The following THSD7B variants were observed in gnomAD, a reference collection of about 807,000 sequenced individuals.
The protein encoded by THSD7B is thrombospondin type-1 domain-containing protein 7B.
A neutral mutation model predicts 213.6 loss-of-function variants in THSD7B; 138 were observed. The ratio of observed to expected loss-of-function variants is 0.65; its 90% confidence interval spans 0.56 to 0.74. THSD7B has a LOEUF of 0.74. Among genes scored for constraint, THSD7B ranks in the 30% least tolerant of loss-of-function variants. THSD7B has a pLI of 0.00. For synonymous variants in THSD7B, 742 were observed against 687.0 expected (o/e 1.08, Z -1.25); for missense variants, 1,931 against 1,991.5 (o/e 0.97, Z 0.58).
intron 1 of THSD7B, among the ~76,000 whole-genome samples, chr2:136,807,121 GCA>G (rs1682296298): frequency 6.6e-6 from 1 of 152,206 alleles, no homozygotes; most frequent in South Asian, 2.1e-4. Flanking sequence ...CTTCTTCATT[GCA>G]CAGTTACTTT....
chr2:137,206,890 A>G (rs1228373687), intron 7 of THSD7B, among the ~76,000 whole-genome samples: 1 of 152,074 alleles, frequency 6.6e-6, no homozygotes, highest in African/African-American at 2.4e-5. Context: ...TGAAAGAAAT[A>G]AAAGCAATTA....
intron 2 of THSD7B, among the ~76,000 whole-genome samples, chr2:136,903,536 G>T (rs1164024387): frequency 6.6e-6 from 1 of 152,070 alleles, no homozygotes; most frequent in African/African-American, 2.4e-5. Flanking sequence ...AGGTGATGCT[G>T]CCACAGAGCA....
At chr2:136,881,746 C>A (rs112197844) in intron 1 of THSD7B, among the ~76,000 whole-genome samples, 1 of 152,048 alleles carries the variant, frequency 6.6e-6, no homozygotes, top group African/African-American at 2.4e-5. Context: ...GAGTTAACCA[C>A]CTCAGGCTTT....
At chr2:137,505,337 T>A (rs1679809822) in intron 15 of THSD7B, among the ~76,000 whole-genome samples, 1 of 152,340 alleles carries the variant, frequency 6.6e-6, no homozygotes, top group South Asian at 2.1e-4. Flanking sequence ...GGGAGGGACA[T>A]GAGCTTCTGT....
intron 1 of THSD7B, among the ~76,000 whole-genome samples, chr2:136,864,241 C>G (rs550892718): frequency 6.6e-6 from 1 of 152,238 alleles, no homozygotes; most frequent in Admixed American, 6.5e-5. Flanking sequence ...AATATATGCT[C>G]CAAATTGTGC....
intron 1 of THSD7B, among the ~76,000 whole-genome samples, chr2:136,805,073 C>A (rs2059733): frequency 6.6e-6 from 1 of 151,472 alleles, no homozygotes; most frequent in Non-Finnish European, 1.5e-5. Flanking sequence ...GGCATAGCTG[C>A]TCTTTCTTTC....
chr2:137,279,793 C>T (rs1465102293), intron 12 of THSD7B, among the ~76,000 whole-genome samples: 1 of 152,098 alleles, frequency 6.6e-6, no homozygotes, highest in Non-Finnish European at 1.5e-5. Flanking sequence ...CCCAAAAATA[C>T]ATGTCCACAT....
intron 3 of THSD7B, among the ~76,000 whole-genome samples, chr2:137,087,930 C>A (rs1206324039): frequency 6.6e-6 from 1 of 152,002 alleles, no homozygotes; most frequent in African/African-American, 2.4e-5. Flanking sequence ...ACCAAAACAG[C>A]ATGGTACTGG....
chr2:136,902,432 C>G (rs894745344), intron 2 of THSD7B, among the ~76,000 whole-genome samples: 2 of 152,140 alleles, frequency 1.3e-5, no homozygotes, highest in Non-Finnish European at 1.5e-5. Context: ...CTCAGCAAAC[C>G]TGGCCTCTTC....
intron 1 of THSD7B, among the ~76,000 whole-genome samples, chr2:136,773,407 G>A (rs1029662195): frequency 2.0e-5 from 3 of 152,062 alleles, no homozygotes; most frequent in Admixed American, 2.0e-4. Context: ...TTGAACAAGA[G>A]CCACAAATAC....
intron 10 of THSD7B, among the ~76,000 whole-genome samples, chr2:137,257,257 A>C (rs1396435686): frequency 2.0e-5 from 3 of 152,186 alleles, no homozygotes; most frequent in African/African-American, 7.2e-5. Flanking sequence ...GTTTAATAGC[A>C]TGTCTTCATG....
intron 16 of THSD7B, among the ~76,000 whole-genome samples, chr2:137,568,891 T>C (rs1019083515): frequency 6.6e-6 from 1 of 152,180 alleles, no homozygotes; most frequent in African/African-American, 2.4e-5. Flanking sequence ...GCTGGGGTTA[T>C]AGAGAGAATG....
At chr2:137,046,778 G>A (rs368477275) in intron 2 of THSD7B, among the ~76,000 whole-genome samples, 303 of 149,534 alleles carry the variant, frequency 2.0e-3, no homozygotes, top group African/African-American at 7.3e-3. Flanking sequence ...CCATATGGCC[G>A]CCCAGGTATT....
At position 137,433,844 on chromosome 2, in the gene THSD7B, T is replaced by C. The variant is rs538793000; in HGVS notation, c.2960-17001T>C. On this transcript the variant is annotated intron_variant, in intron 14 of 27. Transcript: ENST00000409968. Reference sequence around the variant, plus strand: ...GAAGTCTGTTTTTTAAGAACTGCTATAAAGTTTTGTAACCCCCAATCTGAG... The same window carrying C: ...GAAGTCTGTTTTTTAAGAACTGCTACAAAGTTTTGTAACCCCCAATCTGAG... 1.8e-3 allele frequency among the ~76,000 whole-genome samples: 274 copies of C among 152,228 alleles called. 3 individuals are homozygous for C. The highest frequency in any genetic ancestry group is 3.3e-3 in the Non-Finnish European group (222 of 68,024).
chr2:137,449,175 G>A (rs946875905), intron 14 of THSD7B, among the ~76,000 whole-genome samples: 2 of 152,092 alleles, frequency 1.3e-5, no homozygotes, highest in African/African-American at 4.8e-5. Flanking sequence ...AGAGAATATG[G>A]CATTATTCTG....
At chr2:137,271,013 T>C (rs1032560844) in intron 10 of THSD7B, among the ~76,000 whole-genome samples, 3 of 152,138 alleles carry the variant, frequency 2.0e-5, no homozygotes, top group Admixed American at 1.3e-4. Flanking sequence ...GAGTTGCTTC[T>C]CACTGTGGGT....
intron 17 of THSD7B, among the ~76,000 whole-genome samples, chr2:137,604,835 T>C (rs1043133154): frequency 1.3e-5 from 2 of 152,238 alleles, no homozygotes; most frequent in African/African-American, 4.8e-5. Flanking sequence ...CAAACTGTGA[T>C]TTCTTAAAGA....
At chr2:136,807,509 G>GTGTTTTTTT (rs1682303095) in intron 1 of THSD7B, among the ~76,000 whole-genome samples, 3 of 104,896 alleles carry the variant, frequency 2.9e-5, no homozygotes, top group African/African-American at 3.7e-5. Context: ...AAAATGTTTC[G>GTGTTTTTTT]TTTTTTTTTT....
In THSD7B at chr2:137,676,396, A is replaced by G. The variant is rs79300562; in HGVS notation, c.4740-128A>G. Reference sequence around the variant, plus strand: ...ATTCAATATTCACAAAAGGGAACCCACACATCTAGAGAAATGAATCTTTTT... The same window carrying G: ...ATTCAATATTCACAAAAGGGAACCCGCACATCTAGAGAAATGAATCTTTTT... On this transcript the variant is annotated intron_variant, in intron 27 of 27. Transcript: ENST00000409968. 7.2e-3 allele frequency: 5,662 copies of G among 790,286 alleles called. 243 individuals carry two copies. The African/African-American group carries it at 0.092, about 13-fold the overall frequency. The allele number at this position is 790,286 out of a possible 1,614,324, so 49.0% of individuals were successfully genotyped here.
Sources: allele counts gnomAD v4.1 joint callset (sites outside exome capture counted in the v4.1 genomes callset), GRCh38; gene constraint gnomAD v4.1.1; transcripts MANE v1.5; gene names NCBI Gene and HGNC (gene_info 2026-07-23, HGNC 2026-07-21).